PROZ: variants seen among roughly 807,000 people sequenced by gnomAD.
PROZ encodes vitamin K-dependent protein Z.
PROZ carries 46 observed loss-of-function variants against 34.9 expected under a neutral mutation model. The observed-to-expected ratio is 1.32, with a 90% CI of 1.04 to 1.69. The LOEUF is 1.69. PROZ is among the 40% of genes most tolerant of loss of function. The pLI is 0.00. For missense variants in PROZ, 530 were observed against 520.4 expected (o/e 1.02, Z -0.18); for synonymous variants, 195 against 208.5 (o/e 0.94, Z 0.56).
rs148844137 is a variant in PROZ, at chr13:113,163,047, G to A, written c.298G>A (p.Gly100Ser). The A allele has an allele frequency of 7.4e-5, 113 of 1,534,936 alleles. No individual in the cohort carries two copies. The highest frequency in any genetic ancestry group is 3.2e-4 in the African/African-American group (23 of 71,140). The change falls in exon 4 of 8, where the codon GGC becomes AGC. Residue 100 changes from glycine (G) to serine (S), a missense_variant. By Grantham distance (56) the Gly-to-Ser change is moderately conservative. Coordinates refer to ENST00000375547, the MANE Select transcript of PROZ (RefSeq NM_003891.3). ...PCISQPCLHN[G>S]SCQDSIWGYT... Reference sequence around the variant, plus strand: ...CATCTCCCAGCCCTGCCTCCACAACGGCTCTTGCCAGGACAGCATCTGGGG... The same window carrying A: ...CATCTCCCAGCCCTGCCTCCACAACAGCTCTTGCCAGGACAGCATCTGGGG...
Position 113,171,550 on chromosome 13 carries a change from T to C in PROZ, c.692-44T>C. ...AGCTCGTTTGAGCATTATGTCCCCT[T>C]GAAAATCAGACTGTAAAGAACTGAC... On this transcript the variant is annotated intron_variant, in intron 7 of 7. Coordinates refer to ENST00000375547, the MANE Select transcript of PROZ (RefSeq NM_003891.3). The surrounding 1 kb of genome is among the most constrained non-coding windows in gnomAD (Gnocchi z 5.1). 6.2e-7 allele frequency: 1 copy of C among 1,613,150 alleles called. No homozygotes were observed. Among genetic ancestry groups the C allele is most frequent in the Non-Finnish European group, 8.5e-7 (1 of 1,179,830 alleles).
intron 4 of PROZ, 102 bp downstream of exon 4, chr13:113,163,224 G>A (rs894719554): frequency 1.0e-6 from 1 of 999,370 alleles, no homozygotes; most frequent in Non-Finnish European, 1.5e-6. Context: ...GTGTAGCCAT[G>A]AAGGTGCCTG....
chr13:113,171,519 C>A lies in PROZ; in HGVS notation c.692-75C>A. On this transcript the variant is annotated intron_variant, in intron 7 of 7. Coordinates refer to ENST00000375547, the MANE Select transcript of PROZ (RefSeq NM_003891.3). The surrounding 1 kb of genome is among the most constrained non-coding windows in gnomAD (Gnocchi z 5.1). ...GGTCTCTCCCTCCTCACGTGGCTCC[C>A]TGAGAAGCTCGTTTGAGCATTATGT... is the stretch of plus-strand genomic sequence containing the variant. The A allele has an allele frequency of 6.3e-7, 1 of 1,596,156 alleles. No individual in the cohort carries two copies. Among genetic ancestry groups the A allele is most frequent in the South Asian group, 1.1e-5 (1 of 89,362 alleles).
In PROZ at chr13:113,166,743, C is replaced by T. The variant is rs937225017; in HGVS notation, c.573+1623C>T. On this transcript the variant is annotated intron_variant, in intron 6 of 7. Coordinates refer to ENST00000375547, the MANE Select transcript of PROZ (RefSeq NM_003891.3). Reference sequence around the variant, plus strand: ...ACAGTTCTTCCTATCGCTGTCTGCCCCATGAGTGCGCTGAGGGTCGGTACT... The same window carrying T: ...ACAGTTCTTCCTATCGCTGTCTGCCTCATGAGTGCGCTGAGGGTCGGTACT... Among the ~76,000 whole-genome samples the T allele has an allele frequency of 7.9e-5, 12 of 152,216 alleles. No homozygotes were observed. In the East Asian group the frequency reaches 9.6e-4, roughly 12 times the overall value.
Position 113,163,010 on chromosome 13 carries a change from C to T in PROZ, c.261C>T (p.Gly87=), listed in dbSNP as rs746296569. Reference sequence around the variant, plus strand: ...CCAACCCCCATCCTCCTCCTGCAGGCGGCTCCCCGTGCATCTCCCAGCCCT... The same window carrying T: ...CCAACCCCCATCCTCCTCCTGCAGGTGGCTCCCCGTGCATCTCCCAGCCCT... ...VTDEFWRRYK[G]GSPCISQPCL... is the part of the protein sequence containing the mutation. The change falls in exon 4 of 8, where the codon GGC becomes GGT. Residue 87 remains glycine (G), a splice_region_variant and synonymous_variant. Coordinates refer to ENST00000375547, the MANE Select transcript of PROZ (RefSeq NM_003891.3). 2.5e-5 allele frequency: 38 copies of T among 1,546,158 alleles called. 1 individual carries two copies. The highest frequency in any genetic ancestry group is 1.7e-4 in the Middle Eastern group (1 of 5,974).
chr13:113,158,669 C>T lies in PROZ; in HGVS notation c.9C>T (p.Gly3=), dbSNP rs1258851372. Residue 3 remains glycine, a synonymous_variant, in exon 1 of 8, where the codon GGC becomes GGT. Transcript: ENST00000375547. This position sits in a 1 kb window ranked among gnomAD's most constrained non-coding sequence, Gnocchi z 4.3. ...CAGCGCTCCGGGTGGGAATGGCAGG[C>T]TGCGTCCCACTGCTCCAGGGCCTGG... MA[G]CVPLLQGLVL... The T allele has an allele frequency of 1.9e-6, 3 of 1,603,300 alleles. No individual in the cohort carries two copies. The highest frequency in any genetic ancestry group is 2.6e-6 in the Non-Finnish European group (3 of 1,175,790).
At chr13:113,163,422 G>A (rs535339801) in intron 4 of PROZ, among the ~76,000 whole-genome samples, 10 of 152,190 alleles carry the variant, frequency 6.6e-5, no homozygotes, top group Non-Finnish European at 1.3e-4. Flanking sequence ...CACAGGCTGG[G>A]GGGGTCACAC....
chr13:113,170,611 A>T, intron 7 of PROZ, 81 bp downstream of exon 7: 1 of 904,354 alleles, frequency 1.1e-6, no homozygotes. Context: ...CAAATTTAAA[A>T]CTGGACTGTT....
In PROZ at chr13:113,171,876, A is replaced by G. The variant is rs1185267320; in HGVS notation, c.974A>G (p.Glu325Gly). Reference sequence around the variant, plus strand: ...CGGCCTGTCACACTTGTGGAGGGGGAGGAGTGCGGGCAGGTCCTGAATGTG... The same window carrying G: ...CGGCCTGTCACACTTGTGGAGGGGGGGGAGTGCGGGCAGGTCCTGAATGTG... ...TTRPVTLVEG[E>G]ECGQVLNVTV... The change falls in exon 8 of 8, where the codon GAG (glutamate) becomes GGG (glycine). Residue 325 changes from glutamate (E) to glycine (G), a missense_variant. By Grantham distance (98) the Glu-to-Gly change is moderately conservative. Coordinates refer to ENST00000375547, the MANE Select transcript of PROZ (RefSeq NM_003891.3). This position sits in a 1 kb window ranked among gnomAD's most constrained non-coding sequence, Gnocchi z 5.1. 1 of 1,613,480 alleles carries G rather than the reference A, an allele frequency of 6.2e-7. No homozygotes were observed. Among genetic ancestry groups the G allele is most frequent in the South Asian group, 1.1e-5 (1 of 91,074 alleles).
In PROZ at chr13:113,163,051, C is replaced by G. The variant is rs2036792257; in HGVS notation, c.302C>G (p.Ser101Cys). Residue 101 changes from serine to cysteine, a missense_variant, in exon 4 of 8, where the codon TCT (serine) becomes TGT (cysteine). Physicochemically the swap from Ser to Cys is moderately radical, Grantham distance 112. Transcript: ENST00000375547. ...TCCCAGCCCTGCCTCCACAACGGCTCTTGCCAGGACAGCATCTGGGGCTAC... is the reference window on the plus strand; with the variant it reads ...TCCCAGCCCTGCCTCCACAACGGCTGTTGCCAGGACAGCATCTGGGGCTAC... ...CISQPCLHNG[S>C]CQDSIWGYTC... 1 of 1,562,958 alleles carries G rather than the reference C, an allele frequency of 6.4e-7. No homozygotes were observed. The highest frequency in any genetic ancestry group is 1.4e-5 in the African/African-American group (1 of 73,516).
intron 4 of PROZ, among the ~76,000 whole-genome samples, chr13:113,164,192 C>A (rs749825696): frequency 1.6e-4 from 24 of 152,004 alleles, no homozygotes; most frequent in Middle Eastern, 3.2e-3. Context: ...GTTGGCCAGG[C>A]TGGTCTTGAT....
At position 113,165,235 on chromosome 13, in the gene PROZ, GCTA is replaced by G. The variant is rs879250034; in HGVS notation, c.573+118_573+120del. ...GAATCAGGCATCCTGACTTTGATGG[GCTA>G]CTGACTGCACTGACCAACCTCTATT... On this transcript the variant is annotated intron_variant, in intron 6 of 7. Transcript: ENST00000375547. The G allele has an allele frequency of 9.0e-5, 97 of 1,072,334 alleles. 1 individual carries two copies. Among genetic ancestry groups the G allele is most frequent in the South Asian group, 8.8e-4 (66 of 75,232 alleles). The allele number at this position is 1,072,334 out of a possible 1,614,324, so 66.4% of individuals were successfully genotyped here. A position where few individuals can be genotyped will look rare whatever the true frequency, so the allele number is the denominator to read the frequency against.
chr13:113,168,205 A>G (rs916206586), intron 6 of PROZ, among the ~76,000 whole-genome samples: 1 of 152,252 alleles, frequency 6.6e-6, no homozygotes, highest in Non-Finnish European at 1.5e-5. Flanking sequence ...CCTTACATAT[A>G]TAGTGGAATG....
In PROZ at chr13:113,158,744, T is replaced by C. The variant is rs775976232; in HGVS notation, c.70+14T>C. 1 of 1,592,160 alleles carries C rather than the reference T, an allele frequency of 6.3e-7. No individual in the cohort carries two copies. The highest frequency in any genetic ancestry group is 2.3e-5 in the East Asian group (1 of 43,744). ...TGGAGCCCTCAGGTAGGCATCTGGC[T>C]TACCTGTCTGTTGTGCCTGTGCTGT... On this transcript the variant is annotated intron_variant, in intron 1 of 7. Transcript: ENST00000375547. The surrounding 1 kb of genome is among the most constrained non-coding windows in gnomAD (Gnocchi z 4.3).
At chr13:113,163,978 T>TTG (rs2036833511) in intron 4 of PROZ, among the ~76,000 whole-genome samples, 1 of 150,388 alleles carries the variant, frequency 6.6e-6, no homozygotes, top group South Asian at 2.1e-4. Flanking sequence ...TTTTTTTTTT[T>TTG]TAATTTTTAT....
At chr13:113,164,728 A>G in intron 5 of PROZ, 84 bp downstream of exon 5, 1 of 1,573,666 alleles carries the variant, frequency 6.4e-7, no homozygotes, top group Non-Finnish European at 8.6e-7. Context: ...GTACTGGGTG[A>G]AGCCCGCGGA....
At chr13:113,169,945 GC>G (rs1332102522) in intron 6 of PROZ, among the ~76,000 whole-genome samples, 1 of 152,190 alleles carries the variant, frequency 6.6e-6, no homozygotes, top group Admixed American at 6.5e-5. Context: ...GCAAACTCCA[GC>G]CACTGTGGCC....
chr13:113,171,757 A>G lies in PROZ; in HGVS notation c.855A>G (p.Lys285=), dbSNP rs1395472889. The change falls in exon 8 of 8, where the codon AAA becomes AAG. Residue 285 remains lysine, a synonymous_variant. Coordinates refer to ENST00000375547, the MANE Select transcript of PROZ (RefSeq NM_003891.3). The surrounding 1 kb of genome is among the most constrained non-coding windows in gnomAD (Gnocchi z 5.1). ...GAGLPVCTPE[K]DFAEHLLIPR... ...GGCTCCCCGTGTGCACCCCTGAGAA[A>G]GACTTCGCTGAGCACCTCCTCATCC... 1.2e-6 allele frequency: 2 copies of G among 1,612,124 alleles called. No individual in the cohort carries two copies. The highest frequency in any genetic ancestry group is 1.7e-4 in the Middle Eastern group (1 of 6,052).
chr13:113,164,127 G>A (rs1483952423), intron 4 of PROZ, among the ~76,000 whole-genome samples: 2 of 151,810 alleles, frequency 1.3e-5, no homozygotes, highest in Non-Finnish European at 2.9e-5. Context: ...CTACAGGCAC[G>A]CGCCACCACG....
Sources: allele counts gnomAD v4.1 joint callset (sites outside exome capture counted in the v4.1 genomes callset), GRCh38; gene constraint gnomAD v4.1.1; non-coding constraint Gnocchi (gnomAD v3.1); transcripts MANE v1.5; gene names NCBI Gene and HGNC (gene_info 2026-07-23, HGNC 2026-07-21).